Variants in KIF6 observed in about 807,000 individuals in gnomAD.
The protein encoded by KIF6 is kinesin family member 6, also known as kinesin-like protein KIF6.
In KIF6, 106 loss-of-function variants were observed where a neutral mutation model predicts 112.7. The observed-to-expected ratio is 0.94, with a 90% CI of 0.80 to 1.11. The LOEUF is 1.11. Among genes scored for constraint, KIF6 ranks in the 50% least tolerant of loss-of-function variants. The pLI, the probability that KIF6 is intolerant of heterozygous loss-of-function variation, is 0.00. For missense variants in KIF6, 929 were observed against 964.0 expected (o/e 0.96, Z 0.48); for synonymous variants, 339 against 339.9 (o/e 1.00, Z 0.03).
At chr6:39,484,544 T>C (rs1775001491) in intron 13 of KIF6, among the ~76,000 whole-genome samples, 1 of 151,868 alleles carries the variant, frequency 6.6e-6, no homozygotes, top group Non-Finnish European at 1.5e-5. Context: ...GGAGATGGAG[T>C]AAAAGAAGAA....
chr6:39,447,652 A>G (rs1402967214), intron 13 of KIF6, among the ~76,000 whole-genome samples: 1 of 84,400 alleles, frequency 1.2e-5, no homozygotes, highest in Non-Finnish European at 2.1e-5. Context: ...TGGGGGAGGA[A>G]AAAAAAATAC....
rs1237683485 is a variant in KIF6 at position 39,342,940 on chromosome 6, G to A, written c.2428+769C>T. ...CGAATCTGCCAGCCCATACCATCAC[G>A]GTGGGGGCGCCTTTCTGGCAATGTG... On this transcript the variant is annotated intron_variant, in intron 22 of 22. Transcript: ENST00000287152. This position sits in a 1 kb window ranked among gnomAD's most constrained non-coding sequence, Gnocchi z 4.7. 8 of 985,324 alleles carry A rather than the reference G, an allele frequency of 8.1e-6. No homozygotes were observed. The highest frequency in any genetic ancestry group is 3.5e-5 in the African/African-American group (2 of 57,236). 61.0% of individuals were successfully genotyped at this position (985,324 alleles called of 1,614,324 possible).
chr6:39,687,825 C>T (rs966695248), intron 3 of KIF6, among the ~76,000 whole-genome samples: 4 of 152,140 alleles, frequency 2.6e-5, no homozygotes, highest in African/African-American at 9.7e-5. Context: ...CTTTTCTTTT[C>T]CACAGAATGA....
chr6:39,662,844 G>A (rs181219254), intron 3 of KIF6, among the ~76,000 whole-genome samples: 15 of 152,114 alleles, frequency 9.9e-5, no homozygotes, highest in African/African-American at 2.9e-4. Flanking sequence ...AAAAATACGC[G>A]TCCACATGGA....
intron 15 of KIF6, among the ~76,000 whole-genome samples, chr6:39,390,641 A>T (rs1767805331): frequency 6.6e-6 from 1 of 152,170 alleles, no homozygotes; most frequent in Admixed American, 6.5e-5. Flanking sequence ...GGACCCAGAT[A>T]AATGCTATTT....
intron 7 of KIF6, among the ~76,000 whole-genome samples, chr6:39,592,442 G>T (rs1372263671): frequency 6.6e-6 from 1 of 152,160 alleles, no homozygotes; most frequent in East Asian, 1.9e-4. Context: ...AACACATTCA[G>T]TTGGAAACTA....
intron 13 of KIF6, among the ~76,000 whole-genome samples, chr6:39,489,137 A>C (rs944228568): frequency 3.9e-5 from 6 of 152,228 alleles, no homozygotes; most frequent in African/African-American, 1.4e-4. Context: ...CATAGAAATC[A>C]GCTTTAAGCT....
rs1234039220 is a variant in KIF6, at chr6:39,714,325, C to G, written c.251+367G>C. Reference sequence around the variant, plus strand: ...TCCATCTAACCATATGTTTGAAGTACCGTACTGAGGAAAGAACACTGAACT... The same window carrying G: ...TCCATCTAACCATATGTTTGAAGTAGCGTACTGAGGAAAGAACACTGAACT... On this transcript the variant is annotated intron_variant, in intron 3 of 22. Transcript: ENST00000287152. Among the ~76,000 whole-genome samples the G allele has an allele frequency of 2.6e-5, 4 of 152,240 alleles. No individual in the cohort carries two copies. The South Asian group carries it at 8.3e-4, about 32-fold the overall frequency.
intron 4 of KIF6, among the ~76,000 whole-genome samples, chr6:39,638,639 C>T (rs1219730568): frequency 6.6e-6 from 1 of 152,094 alleles, no homozygotes; most frequent in African/African-American, 2.4e-5. Flanking sequence ...TCAGCAATTT[C>T]TTCTCATCTT....
At chr6:39,355,083 G>A (rs559999014) in intron 19 of KIF6, among the ~76,000 whole-genome samples, 44 of 152,246 alleles carry the variant, frequency 2.9e-4, no homozygotes, top group Non-Finnish European at 4.9e-4. Context: ...CTACTCAGGA[G>A]GCTGAGGCAG....
chr6:39,598,258 A>C (rs1165369971), intron 6 of KIF6, among the ~76,000 whole-genome samples: 1 of 152,164 alleles, frequency 6.6e-6, no homozygotes, highest in African/African-American at 2.4e-5. Context: ...TAAGCAAAGA[A>C]TATGACTAGG....
chr6:39,593,421 C>T (rs1782062714), intron 7 of KIF6, among the ~76,000 whole-genome samples: 1 of 152,168 alleles, frequency 6.6e-6, no homozygotes, highest in South Asian at 2.1e-4. Context: ...TACCGACCTA[C>T]TTGCTCTCTA....
intron 13 of KIF6, among the ~76,000 whole-genome samples, chr6:39,467,106 G>C (rs1345354135): frequency 6.6e-6 from 1 of 152,208 alleles, no homozygotes; most frequent in Non-Finnish European, 1.5e-5. Context: ...ACTTGGAACA[G>C]AGACTATGAG....
chr6:39,563,440 A>G (rs1780116804), intron 10 of KIF6, among the ~76,000 whole-genome samples: 1 of 152,228 alleles, frequency 6.6e-6, no homozygotes, highest in African/African-American at 2.4e-5. Flanking sequence ...TATAAAACTA[A>G]CAGTATAGTT....
intron 19 of KIF6, chr6:39,353,904 C>T: frequency 1.7e-6 from 1 of 573,290 alleles, no homozygotes. Context: ...CTAAGTGGAG[C>T]TAAGTGTGAT....
At chr6:39,417,679 C>A (rs573975603) in intron 15 of KIF6, among the ~76,000 whole-genome samples, 2 of 152,252 alleles carry the variant, frequency 1.3e-5, no homozygotes, top group South Asian at 4.1e-4. Flanking sequence ...ACTTGCTCCA[C>A]CAACATACAC....
chr6:39,358,074 C>T (rs1213975613), intron 18 of KIF6, among the ~76,000 whole-genome samples: 1 of 152,216 alleles, frequency 6.6e-6, no homozygotes, highest in African/African-American at 2.4e-5. Flanking sequence ...CCACCGAGCA[C>T]TTTGTGTAGG....
At chr6:39,576,595 A>G (rs928941112) in intron 10 of KIF6, among the ~76,000 whole-genome samples, 2 of 152,292 alleles carry the variant, frequency 1.3e-5, no homozygotes, top group Admixed American at 6.5e-5. Flanking sequence ...GTTCCTCTGG[A>G]CAGTGTCTCG....
At chr6:39,482,040 A>ACC (rs1554224047) in intron 13 of KIF6, among the ~76,000 whole-genome samples, 7 of 147,890 alleles carry the variant, frequency 4.7e-5, no homozygotes, top group East Asian at 2.0e-4. Flanking sequence ...ACACACACAC[A>ACC]CCCCACTGGG....
Sources: allele counts gnomAD v4.1 joint callset (sites outside exome capture counted in the v4.1 genomes callset), GRCh38; gene constraint gnomAD v4.1.1; non-coding constraint Gnocchi (gnomAD v3.1); transcripts MANE v1.5; gene names NCBI Gene and HGNC (gene_info 2026-07-23, HGNC 2026-07-21).